The following UTY variants were observed in gnomAD, a reference collection of about 807,000 sequenced individuals.
UTY encodes ubiquitously transcribed tetratricopeptide repeat containing, Y-linked.
Under a neutral mutation model 32.5 loss-of-function variants are expected in UTY, and 12 were observed. The observed-to-expected ratio is 0.37, with a 90% confidence interval of 0.24 to 0.60. UTY has a LOEUF of 0.60. Ranked by LOEUF, UTY falls within the 20% of genes least tolerant of loss-of-function variation. The pLI is 0.69. For missense variants in UTY, 303 were observed against 299.2 expected (o/e 1.01, Z -0.09); for synonymous variants, 131 against 103.4 (o/e 1.27, Z -1.62).
chrY:13,386,255 T>C (rs2066742689), intron 8 of UTY, among the ~76,000 whole-genome samples: 3 of 24,900 alleles, frequency 1.2e-4, no homozygotes, highest in Admixed American at 3.6e-4. Context: ...CGCCCGCCAC[T>C]ACGCCCGGCT....
chrY:13,240,713 A>C, intron 28 of UTY, among the ~76,000 whole-genome samples: 1 of 34,132 alleles, frequency 2.9e-5, no homozygotes, highest in Non-Finnish European at 7.3e-5. Flanking sequence ...CAAGAAATTA[A>C]GATTGAGCTC....
At chrY:13,254,760 C>T in intron 28 of UTY, among the ~76,000 whole-genome samples, 1 of 33,292 alleles carries the variant, frequency 3.0e-5, no homozygotes, top group Admixed American at 2.7e-4. Flanking sequence ...ATTCAGATTA[C>T]TAAGGGGAAA....
chrY:13,412,394 T>C, intron 5 of UTY, among the ~76,000 whole-genome samples: 1 of 33,307 alleles, frequency 3.0e-5, no homozygotes, highest in South Asian at 6.6e-4. Context: ...AAATTATGTA[T>C]ATTCCATATC....
intron 4 of UTY, among the ~76,000 whole-genome samples, chrY:13,415,398 C>T (rs2071553155): frequency 3.0e-5 from 1 of 33,178 alleles, no homozygotes; most frequent in South Asian, 6.7e-4. Flanking sequence ...TTTTCTTACA[C>T]TAATTCACAC....
At chrY:13,435,576 T>C in intron 4 of UTY, among the ~76,000 whole-genome samples, 1 of 34,484 alleles carries the variant, frequency 2.9e-5, no homozygotes, top group South Asian at 6.3e-4. Context: ...TCGGCAGCCA[T>C]TTTGGGCGTG....
chrY:13,314,472 T>C (rs2059377702), intron 21 of UTY, among the ~76,000 whole-genome samples: 1 of 33,378 alleles, frequency 3.0e-5, no homozygotes, highest in Non-Finnish European at 7.4e-5. Context: ...TACAATACTA[T>C]AGCAATCAAA....
intron 7 of UTY, 67 bp downstream of exon 7, chrY:13,396,851 G>A: frequency 5.0e-6 from 1 of 200,985 alleles, no homozygotes; most frequent in Non-Finnish European, 8.1e-6. Context: ...AGAAACAAAG[G>A]TATCAGTAGA....
At chrY:13,357,839 C>T in intron 15 of UTY, 38 bp downstream of exon 15, 1 of 346,255 alleles carries the variant, frequency 2.9e-6, no homozygotes, top group Non-Finnish European at 4.2e-6. Context: ...GTTTCTACTG[C>T]TTTCGAATTG....
At chrY:13,357,326 A>G (rs927974771) in intron 15 of UTY, among the ~76,000 whole-genome samples, 1 of 32,580 alleles carries the variant, frequency 3.1e-5, no homozygotes, top group South Asian at 7.0e-4. Flanking sequence ...TGAGATAGGC[A>G]CATCATTTGA....
intron 21 of UTY, among the ~76,000 whole-genome samples, chrY:13,320,419 T>C (rs2059750449): frequency 3.1e-5 from 1 of 32,699 alleles, no homozygotes; most frequent in Non-Finnish European, 7.4e-5. Flanking sequence ...ACAGGTGCTC[T>C]TGAATGCAAG....
intron 21 of UTY, among the ~76,000 whole-genome samples, chrY:13,318,511 T>C: frequency 1.2e-4 from 4 of 32,423 alleles, no homozygotes; most frequent in African/African-American, 4.8e-4. Flanking sequence ...AAGTTGTCTA[T>C]GATTAAACGG....
At chrY:13,399,718 C>T (rs2068706008) in intron 6 of UTY, among the ~76,000 whole-genome samples, 2 of 33,024 alleles carry the variant, frequency 6.1e-5, no homozygotes, top group African/African-American at 1.2e-4. Flanking sequence ...GAGACAATAA[C>T]GCATGAAGGG....
chrY:13,479,568 T>A lies in UTY; in HGVS notation c.98A>T (p.Glu33Val), dbSNP rs1413181135. ...CTCGACTGTCAGGCTAACAGACTCC[T>A]CTTCACTCTCGCGGCTCGCTTTTCC... ...AEGKASRESEEESVSLTVEER... is the reference protein window; with the variant it reads ...AEGKASRESEVESVSLTVEER... Residue 33 changes from glutamate to valine, a missense_variant, in exon 1 of 30, where the codon GAG (glutamate) becomes GTG (valine). Glu to Val is a moderately radical substitution (Grantham distance 121, BLOSUM62 -2). Transcript: ENST00000545955. The A allele has an allele frequency of 2.5e-6, 1 of 398,722 alleles. No homozygotes were observed. Among genetic ancestry groups the A allele is most frequent in the African/African-American group, 6.2e-5 (1 of 16,220 alleles).
chrY:13,301,017 C>CA (rs2058355977), intron 25 of UTY, among the ~76,000 whole-genome samples: 1 of 32,075 alleles, frequency 3.1e-5, no homozygotes, highest in Non-Finnish European at 7.5e-5. Context: ...CTCAGCCTCC[C>CA]AAATAGCTGG....
At chrY:13,436,967 GACAC>G (rs774903488) in intron 4 of UTY, among the ~76,000 whole-genome samples, 41 of 24,104 alleles carry the variant, frequency 1.7e-3, no homozygotes, top group East Asian at 5.3e-3. Flanking sequence ...AAGCAAAAGA[GACAC>G]ACACACACAC....
Position 13,357,428 on chromosome Y carries a change from C to T in UTY, c.1569+449G>A, listed in dbSNP as rs2063046602. ...TTTAGCTGGGCATGGTGAAGCATGC[C>T]TATAGTACCAGGTATTCGGTAGGCT... On this transcript the variant is annotated intron_variant, in intron 15 of 29. Coordinates refer to ENST00000545955, the MANE Select transcript of UTY (RefSeq NM_001258249.2). Among the ~76,000 whole-genome samples the T allele has an allele frequency of 9.5e-5, 3 of 31,741 alleles. No homozygotes were observed. In the South Asian group the frequency reaches 2.2e-3, roughly 23 times the overall value. The allele number at this position is 31,741 out of a possible 37,273, so 85.2% of individuals were successfully genotyped here.
At chrY:13,424,167 G>A in intron 4 of UTY, among the ~76,000 whole-genome samples, 1 of 33,551 alleles carries the variant, frequency 3.0e-5, no homozygotes, top group Admixed American at 2.7e-4. Flanking sequence ...CATCACTTTG[G>A]AGGGCCGAGG....
intron 4 of UTY, among the ~76,000 whole-genome samples, chrY:13,440,565 G>A (rs1000391406): frequency 1.5e-3 from 49 of 33,387 alleles, no homozygotes; most frequent in African/African-American, 5.8e-3. Context: ...GAACACACAG[G>A]TTAAAACCTT....
chrY:13,354,780 A>C, intron 17 of UTY: 1 of 282,167 alleles, frequency 3.5e-6, no homozygotes, highest in Non-Finnish European at 5.2e-6. Context: ...TTATTATGAT[A>C]CTCACTTTAT....
Sources: allele counts gnomAD v4.1 joint callset (sites outside exome capture counted in the v4.1 genomes callset), GRCh38; gene constraint gnomAD v4.1.1; transcripts MANE v1.5; gene names NCBI Gene and HGNC (gene_info 2026-07-23, HGNC 2026-07-21).